The following ITPR2 variants were observed in gnomAD, a reference collection of about 807,000 sequenced individuals.
ITPR2 encodes the protein inositol 1,4,5-trisphosphate receptor type 2.
Under a neutral mutation model 317.1 loss-of-function variants are expected in ITPR2, and 207 were observed. The ratio of observed to expected loss-of-function variants is 0.65; its 90% CI spans 0.58 to 0.73. The LOEUF (loss-of-function observed/expected upper bound fraction) is 0.73, where lower values mean the gene tolerates loss of function less well. ITPR2 is among the 30% of genes least tolerant of loss of function. The pLI is 0.00. For synonymous variants in ITPR2, 1,156 were observed against 1,149.1 expected (o/e 1.01, Z -0.12); for missense variants, 2,613 against 3,284.0 (o/e 0.80, Z 4.99).
At chr12:26,389,897 C>A (rs1007095748) in intron 54 of ITPR2, among the ~76,000 whole-genome samples, 2 of 152,136 alleles carry the variant, frequency 1.3e-5, no homozygotes, top group African/African-American at 4.8e-5. Context: ...AAATTTATTA[C>A]ATTTATTATG....
chr12:26,487,460 C>A (rs1405395714), intron 39 of ITPR2, among the ~76,000 whole-genome samples: 2 of 152,176 alleles, frequency 1.3e-5, no homozygotes, highest in Non-Finnish European at 2.9e-5. Context: ...TTCCACTAAA[C>A]TCCAACATAT....
intron 1 of ITPR2, among the ~76,000 whole-genome samples, chr12:26,826,819 A>G (rs1951015678): frequency 6.6e-6 from 1 of 152,166 alleles, no homozygotes; most frequent in Admixed American, 6.5e-5. Flanking sequence ...ACAGCCAAGG[A>G]AGGACCGATG....
At chr12:26,555,676 G>A (rs1944644526) in intron 36 of ITPR2, among the ~76,000 whole-genome samples, 1 of 151,830 alleles carries the variant, frequency 6.6e-6, no homozygotes, top group Admixed American at 6.6e-5. Context: ...AAGAGCGGCA[G>A]ATGAGGATCA....
chr12:26,770,382 T>A (rs1315266112), intron 2 of ITPR2, among the ~76,000 whole-genome samples: 1 of 152,202 alleles, frequency 6.6e-6, no homozygotes, highest in Non-Finnish European at 1.5e-5. Context: ...CCTCTGTGCC[T>A]CAGCCAGAAA....
At chr12:26,829,384 G>T (rs543495567) in intron 1 of ITPR2, among the ~76,000 whole-genome samples, 1 of 151,862 alleles carries the variant, frequency 6.6e-6, no homozygotes, top group Non-Finnish European at 1.5e-5. Flanking sequence ...AGGCTGGAGT[G>T]CAATGGTGTG....
intron 55 of ITPR2, among the ~76,000 whole-genome samples, chr12:26,382,439 TG>T (rs1939535782): frequency 1.3e-5 from 2 of 152,094 alleles, no homozygotes; most frequent in African/African-American, 4.8e-5. Flanking sequence ...TCGAAGCAGG[TG>T]GATCACTTGA....
chr12:26,805,628 G>C (rs1843161175), intron 1 of ITPR2, among the ~76,000 whole-genome samples: 2 of 110,914 alleles, frequency 1.8e-5, no homozygotes, highest in Admixed American at 1.9e-4. Context: ...AGGAGGGAAT[G>C]GGGAGGAGAC....
chr12:26,831,524 G>A lies in ITPR2; in HGVS notation c.92+1166C>T, dbSNP rs1245644832. Among the ~76,000 whole-genome samples the A allele has an allele frequency of 2.0e-5, 3 of 152,152 alleles. No homozygotes were observed. Among genetic ancestry groups the A allele is most frequent in the South Asian group, 4.1e-4 (2 of 4,824 alleles). On this transcript the variant is annotated intron_variant, in intron 1 of 56. Coordinates refer to ENST00000381340, the MANE Select transcript of ITPR2 (RefSeq NM_002223.4). This position sits in a 1 kb window ranked among gnomAD's most constrained non-coding sequence, Gnocchi z 4.9. ...TTCCACAGCCTGAAATGTAGGGCGG[G>A]GGGACCTAAGTGTTGAAACAACGAG...
intron 37 of ITPR2, among the ~76,000 whole-genome samples, chr12:26,513,936 T>C (rs2036434): frequency 0.8 from 121,435 of 152,144 alleles, 49,206 homozygotes; most frequent in Non-Finnish European, 0.88. Flanking sequence ...TTCCACCAAA[T>C]TTGTCATTTG....
chr12:26,773,310 G>T (rs771801458), intron 2 of ITPR2, among the ~76,000 whole-genome samples: 1 of 152,144 alleles, frequency 6.6e-6, no homozygotes, highest in African/African-American at 2.4e-5. Context: ...AATAGTCTTG[G>T]CTGTTAAAAT....
At chr12:26,341,846 CTTG>C (rs1488522272) in intron 55 of ITPR2, among the ~76,000 whole-genome samples, 1 of 152,184 alleles carries the variant, frequency 6.6e-6, no homozygotes, top group Non-Finnish European at 1.5e-5. Context: ...CCCCTGGTTG[CTTG>C]TTAAAACTGC....
chr12:26,490,749 G>A (rs961653464), intron 39 of ITPR2, among the ~76,000 whole-genome samples: 1 of 152,210 alleles, frequency 6.6e-6, no homozygotes, highest in Non-Finnish European at 1.5e-5. Context: ...GGAGGCAGAA[G>A]TTGAAGTGAG....
intron 34 of ITPR2, among the ~76,000 whole-genome samples, chr12:26,563,897 A>ACAC (rs1414603229): frequency 2.0e-5 from 3 of 152,178 alleles, no homozygotes; most frequent in Non-Finnish European, 1.5e-5. Context: ...AATTACGAAC[A>ACAC]CACCACCTAG....
In ITPR2 at chr12:26,797,934, C is replaced by T. The variant is rs573222692; in HGVS notation, c.93-7707G>A. ...CTCAAACTCCTGACCTCTGGTGATC[C>T]GCCCACCTCGGCCTCCCAAAGTGCT... On this transcript the variant is annotated intron_variant, in intron 1 of 56. Transcript: ENST00000381340. 5.3e-5 allele frequency among the ~76,000 whole-genome samples: 8 copies of T among 152,060 alleles called. No homozygotes were observed. The East Asian group carries it at 9.6e-4, about 18-fold the overall frequency.
intron 40 of ITPR2, 52 bp from the exon 41 acceptor site, chr12:26,486,412 T>C: frequency 8.2e-7 from 1 of 1,218,444 alleles, no homozygotes. Flanking sequence ...CTTTTACTAA[T>C]TAAAAAAAAA....
intron 2 of ITPR2, among the ~76,000 whole-genome samples, chr12:26,763,413 G>A (rs1003045402): frequency 3.3e-5 from 5 of 151,738 alleles, no homozygotes; most frequent in East Asian, 3.9e-4. Flanking sequence ...TTTTCCCATC[G>A]AAGTTTATGA....
chr12:26,468,313 G>A (rs563893633), intron 45 of ITPR2, among the ~76,000 whole-genome samples: 36 of 152,016 alleles, frequency 2.4e-4, no homozygotes, highest in Non-Finnish European at 4.7e-4. Context: ...ATATTATAGG[G>A]CCTGTTGATA....
At chr12:26,735,064 G>A (rs1949094767) in intron 2 of ITPR2, among the ~76,000 whole-genome samples, 1 of 137,246 alleles carries the variant, frequency 7.3e-6, no homozygotes, top group Admixed American at 8.4e-5. Context: ...GCAATGGCAC[G>A]ATCTCGGCTC....
chr12:26,369,490 C>T (rs756714473), intron 55 of ITPR2, among the ~76,000 whole-genome samples: 11 of 151,828 alleles, frequency 7.2e-5, no homozygotes, highest in Non-Finnish European at 1.2e-4. Flanking sequence ...GAATGTACAT[C>T]GTGTATAAGA....
Sources: allele counts gnomAD v4.1 joint callset (sites outside exome capture counted in the v4.1 genomes callset), GRCh38; gene constraint gnomAD v4.1.1; non-coding constraint Gnocchi (gnomAD v3.1); transcripts MANE v1.5; gene names NCBI Gene and HGNC (gene_info 2026-07-23, HGNC 2026-07-21).